ZBTB38: variants seen among roughly 807,000 people sequenced by gnomAD.
ZBTB38 encodes zinc finger and BTB domain containing 38, also known as zinc finger and BTB domain-containing protein 38.
In ZBTB38, 20 loss-of-function variants were observed where a neutral mutation model predicts 76.8. That is an observed-to-expected ratio of 0.26 (90% CI 0.18 to 0.38). The LOEUF (loss-of-function observed/expected upper bound fraction) is 0.38. ZBTB38 is among the 10% of genes least tolerant of loss of function. The pLI is 1.00. For missense variants in ZBTB38, 1,082 were observed against 1,482.3 expected (o/e 0.73, Z 4.43); for synonymous variants, 504 against 544.2 (o/e 0.93, Z 1.03).
chr3:141,402,873 A>G (rs1439003293), intron 4 of ZBTB38: 1 of 152,158 alleles, frequency 6.6e-6, no homozygotes, highest in East Asian at 1.9e-4. Context: ...CGTCTCCTGG[A>G]TTGGGAATCG....
Position 141,325,211 on chromosome 3 carries a change from TC to T in ZBTB38, c.-739+757del, listed in dbSNP as rs371646195. Among the ~76,000 whole-genome samples the T allele has an allele frequency of 6.2e-3, 948 of 152,360 alleles. 13 individuals carry two copies. Among genetic ancestry groups the T allele is most frequent in the African/African-American group, 0.022 (901 of 41,582 alleles). On this transcript the variant is annotated intron_variant, in intron 1 of 7. Transcript: ENST00000509842. ...GAGGAAATTTACAAATATCTAACCT[TC>T]CTGCCATTTAGTAAAATTAACCACA... is the stretch of plus-strand genomic sequence containing the variant.
chr3:141,442,441 C>T lies in ZBTB38; in HGVS notation c.53C>T (p.Thr18Met), dbSNP rs1489965814. The T allele has an allele frequency of 5.0e-6, 8 of 1,614,020 alleles. No individual in the cohort carries two copies. The highest frequency in any genetic ancestry group is 1.7e-5 in the Admixed American group (1 of 60,006). ...CTCAAGGACGACTTTCACAGTGACA[C>T]GGTACTCTCCATCTTAAATGAGCAG... The part of the protein sequence containing the change: ...RDLKDDFHSD[T>M]VLSILNEQRI... Residue 18 changes from threonine to methionine, a missense_variant, in exon 6 of 6, where the codon ACG becomes ATG. By Grantham distance (81) the Thr-to-Met change is moderately conservative. Coordinates refer to ENST00000321464, the MANE Select transcript of ZBTB38 (RefSeq NM_001376113.1). This position sits in a 1 kb window ranked among gnomAD's most constrained non-coding sequence, Gnocchi z 6.4.
chr3:141,431,217 G>A lies in ZBTB38; in HGVS notation c.1-11172G>A, dbSNP rs1357967853. Among the ~76,000 whole-genome samples the A allele has an allele frequency of 4.0e-5, 6 of 151,172 alleles. No homozygotes were observed. In the East Asian group the frequency reaches 5.9e-4, roughly 15 times the overall value. On this transcript the variant is annotated intron_variant, in intron 5 of 5. Coordinates refer to ENST00000321464, the MANE Select transcript of ZBTB38 (RefSeq NM_001376113.1). ...AGGTGCCTGTAATCCCAGCTACTCC[G>A]GAGGCTGAGGCAGGAGAATCGCTTG... is the stretch of plus-strand genomic sequence containing the variant.
At chr3:141,348,869 CAGAATTT>C (rs1943439742) in intron 1 of ZBTB38, among the ~76,000 whole-genome samples, 1 of 151,988 alleles carries the variant, frequency 6.6e-6, no homozygotes, top group South Asian at 2.1e-4. Flanking sequence ...AGCAATTTTA[CAGAATTT>C]CTGGAGGGTA....
At chr3:141,343,252 AT>A (rs1943249557) in intron 1 of ZBTB38, among the ~76,000 whole-genome samples, 1 of 152,258 alleles carries the variant, frequency 6.6e-6, no homozygotes, top group Admixed American at 6.5e-5. Context: ...AAGATGGGTG[AT>A]TCACAGCAAC....
intron 5 of ZBTB38, among the ~76,000 whole-genome samples, chr3:141,415,875 C>T (rs1289003294): frequency 5.9e-5 from 9 of 152,164 alleles, no homozygotes; most frequent in Admixed American, 5.9e-4. Flanking sequence ...GCCTTGGAAA[C>T]CCTGTTGCCA....
chr3:141,433,459 T>C (rs2078061925), intron 5 of ZBTB38, among the ~76,000 whole-genome samples: 1 of 152,162 alleles, frequency 6.6e-6, no homozygotes, highest in Admixed American at 6.5e-5. Context: ...ATATTTACCA[T>C]ATTCAACATT....
rs988309059 is a variant in ZBTB38 at position 141,325,071 on chromosome 3, G to C, written c.-739+615G>C. 5.3e-5 allele frequency among the ~76,000 whole-genome samples: 8 copies of C among 152,146 alleles called. No homozygotes were observed. The South Asian group carries it at 1.4e-3, about 28-fold the overall frequency. On this transcript the variant is annotated intron_variant, in intron 1 of 7. Coordinates refer to the ZBTB38 transcript ENST00000509842. ...TAAAACAGTGAAGAACTTTATTTTGGTGTACAAACAGATGTCTTATGGATA... is the reference window on the plus strand; with the variant it reads ...TAAAACAGTGAAGAACTTTATTTTGCTGTACAAACAGATGTCTTATGGATA...
intron 1 of ZBTB38, among the ~76,000 whole-genome samples, chr3:141,349,787 C>T (rs1049172735): frequency 6.6e-6 from 1 of 150,808 alleles, no homozygotes; most frequent in African/African-American, 2.4e-5. Flanking sequence ...CAAGAATGGC[C>T]CAAGAAAAGA....
chr3:141,415,767 GA>G (rs2073881540), intron 5 of ZBTB38, among the ~76,000 whole-genome samples: 1 of 152,204 alleles, frequency 6.6e-6, no homozygotes, highest in South Asian at 2.1e-4. Flanking sequence ...ACCACATTAA[GA>G]ATCTGATTCT....
At chr3:141,421,195 T>G (rs1358218576) in intron 5 of ZBTB38, among the ~76,000 whole-genome samples, 1 of 152,034 alleles carries the variant, frequency 6.6e-6, no homozygotes, top group Non-Finnish European at 1.5e-5. Flanking sequence ...GTCAACCACT[T>G]TAATAAGTGG....
intron 1 of ZBTB38, among the ~76,000 whole-genome samples, chr3:141,332,573 G>A (rs965926314): frequency 3.9e-5 from 6 of 152,138 alleles, no homozygotes; most frequent in Non-Finnish European, 8.8e-5. Flanking sequence ...TCCAGAGCTT[G>A]TCAGGGGCTA....
chr3:141,438,574 G>C (rs1324697327), intron 5 of ZBTB38, among the ~76,000 whole-genome samples: 1 of 152,212 alleles, frequency 6.6e-6, no homozygotes, highest in East Asian at 1.9e-4. Context: ...TCTTCCCCAG[G>C]CTCTCACTCT....
chr3:141,443,146 G>A lies in ZBTB38; in HGVS notation c.758G>A (p.Cys253Tyr). 1 of 1,614,204 alleles carries A rather than the reference G, an allele frequency of 6.2e-7. No homozygotes were observed. The stretch of plus-strand genomic sequence containing the variant: ...CCTGGTAACACAGGGAAAGAAAATT[G>A]TGAAGCCCTTGCAGCGAAACCGAAA... ...SSPGNTGKENCEALAAKPKTC... is the reference protein window; with the variant it reads ...SSPGNTGKENYEALAAKPKTC... The change falls in exon 6 of 6, where the codon TGT (cysteine) becomes TAT (tyrosine). Residue 253 changes from cysteine to tyrosine, a missense_variant. Transcript: ENST00000321464. This position sits in a 1 kb window ranked among gnomAD's most constrained non-coding sequence, Gnocchi z 5.6.
intron 5 of ZBTB38, among the ~76,000 whole-genome samples, chr3:141,422,159 G>T (rs2075530159): frequency 6.6e-6 from 1 of 152,244 alleles, no homozygotes; most frequent in African/African-American, 2.4e-5. Context: ...AGAATGGGCA[G>T]GCTCAGCAAT....
At chr3:141,432,687 A>G in intron 5 of ZBTB38, among the ~76,000 whole-genome samples, 1 of 152,226 alleles carries the variant, frequency 6.6e-6, no homozygotes, top group East Asian at 1.9e-4. Context: ...TTATATGGAA[A>G]CTATCATTTT....
chr3:141,395,144 G>C (rs937637477), intron 4 of ZBTB38, among the ~76,000 whole-genome samples: 1 of 152,178 alleles, frequency 6.6e-6, no homozygotes, highest in African/African-American at 2.4e-5. Context: ...CAGGCAGCAC[G>C]CTATCTATAA....
intron 5 of ZBTB38, among the ~76,000 whole-genome samples, chr3:141,439,592 AC>A (rs1445993067): frequency 6.6e-6 from 1 of 152,186 alleles, no homozygotes; most frequent in Non-Finnish European, 1.5e-5. Context: ...GAGTCAGGAC[AC>A]CCTAGAGTGT....
At chr3:141,351,721 TAAAA>T (rs11367112) in intron 1 of ZBTB38, among the ~76,000 whole-genome samples, 6 of 123,160 alleles carry the variant, frequency 4.9e-5, no homozygotes, top group African/African-American at 5.8e-5. Context: ...CTCTGTCTCT[TAAAA>T]AAAAAAAAAA....
Sources: gnomAD v4.1 joint callset for allele counts (sites outside exome capture counted in the v4.1 genomes callset) on GRCh38, gnomAD v4.1.1 for gene constraint, Gnocchi (gnomAD v3.1) non-coding constraint, MANE v1.5 for transcripts, NCBI Gene and HGNC (gene_info 2026-07-23, HGNC 2026-07-21) for gene names.